The following PDE6D variants were observed in gnomAD, a reference collection of about 807,000 sequenced individuals.
The protein encoded by PDE6D is phosphodiesterase 6D.
A neutral mutation model predicts 21.9 loss-of-function variants in PDE6D; 10 were observed. The ratio of observed to expected loss-of-function variants is 0.46; its 90% CI spans 0.28 to 0.78. The LOEUF (loss-of-function observed/expected upper bound fraction) is 0.78, where lower values mean the gene tolerates loss of function less well. Among genes scored for constraint, PDE6D ranks in the 30% least tolerant of loss-of-function variants. The pLI is 0.12. For missense variants in PDE6D, 139 were observed against 184.8 expected (o/e 0.75, Z 1.44); for synonymous variants, 59 against 63.5 (o/e 0.93, Z 0.34).
intron 1 of PDE6D, among the ~76,000 whole-genome samples, chr2:231,755,181 C>T (rs1375761494): frequency 1.3e-5 from 2 of 152,202 alleles, no homozygotes; most frequent in Non-Finnish European, 2.9e-5. Context: ...CTTCCAACCT[C>T]CAGAGCTATG....
At chr2:231,762,283 T>C (rs1000633445) in intron 1 of PDE6D, among the ~76,000 whole-genome samples, 1 of 151,420 alleles carries the variant, frequency 6.6e-6, no homozygotes, top group African/African-American at 2.4e-5. Flanking sequence ...CTCTTTTCTA[T>C]CCCTTGAATG....
chr2:231,738,212 G>C, intron 2 of PDE6D, 74 bp from the exon 3 acceptor site: 1 of 1,421,300 alleles, frequency 7.0e-7, no homozygotes, highest in Admixed American at 2.2e-5. Flanking sequence ...AAATTTCTGG[G>C]AGCTTCTTAC....
chr2:231,758,536 T>C (rs371606122), intron 1 of PDE6D, among the ~76,000 whole-genome samples: 33 of 152,316 alleles, frequency 2.2e-4, no homozygotes, highest in African/African-American at 7.0e-4. Context: ...TTAGAATCAC[T>C]TGGGGAACTT....
Position 231,781,234 on chromosome 2 carries a change from C to A in PDE6D, c.-120G>T. ...GGAGACCTCGGGCTAGCAGCCGCAG[C>A]GGCCAGACCAGGACCGGCCTCTCTC... On this transcript the variant is annotated 5_prime_UTR_variant, in exon 1 of 5. Coordinates refer to ENST00000287600, the MANE Select transcript of PDE6D (RefSeq NM_002601.4). 1.1e-6 allele frequency: 1 copy of A among 920,062 alleles called. No homozygotes were observed. The allele number at this position is 920,062 out of a possible 1,614,324, so 57.0% of individuals were successfully genotyped here.
chr2:231,751,043 A>G (rs1391461452), intron 1 of PDE6D, among the ~76,000 whole-genome samples: 1 of 152,152 alleles, frequency 6.6e-6, no homozygotes, highest in Non-Finnish European at 1.5e-5. Context: ...CAATCTAGGG[A>G]TGGAAAATCT....
chr2:231,738,288 C>A lies in PDE6D; in HGVS notation c.140-150G>T, dbSNP rs192097923. 2,531 of 787,796 alleles carry A rather than the reference C, an allele frequency of 3.2e-3. 5 individuals are homozygous for A. The highest frequency in any genetic ancestry group is 3.7e-3 in the Non-Finnish European group (1,817 of 486,358). 48.8% of individuals were successfully genotyped at this position (787,796 alleles called of 1,614,324 possible). On this transcript the variant is annotated intron_variant, in intron 2 of 4. Transcript: ENST00000287600. ...ACACTTTCTTACATTTTGGATAATGCCTTGGTAAGTGCATTACACTTTGTG... is the reference window on the plus strand; with the variant it reads ...ACACTTTCTTACATTTTGGATAATGACTTGGTAAGTGCATTACACTTTGTG...
intron 1 of PDE6D, among the ~76,000 whole-genome samples, chr2:231,741,170 G>C (rs893201688): frequency 2.1e-5 from 3 of 140,574 alleles, no homozygotes; most frequent in Middle Eastern, 3.7e-3. Flanking sequence ...CACATCATTA[G>C]TGCATTTACA....
intron 1 of PDE6D, among the ~76,000 whole-genome samples, chr2:231,774,160 C>G (rs923243181): frequency 2.0e-5 from 3 of 151,872 alleles, no homozygotes; most frequent in African/African-American, 7.3e-5. Flanking sequence ...CTTGAATGCC[C>G]AAACTCAGGT....
rs1458970295 is a variant in PDE6D, at chr2:231,755,672, G to C, written c.51-16484C>G. ...ACGGTGGCTCATGCCTGTAATCCCA[G>C]CACTTTGGGAGGCTGAGGCGGGCGG... On this transcript the variant is annotated intron_variant, in intron 1 of 4. Coordinates refer to ENST00000287600, the MANE Select transcript of PDE6D (RefSeq NM_002601.4). Among the ~76,000 whole-genome samples the C allele has an allele frequency of 5.3e-5, 8 of 152,330 alleles. No individual in the cohort carries two copies. In the East Asian group the frequency reaches 1.5e-3, roughly 29 times the overall value.
chr2:231,735,527 T>A (rs553349016), intron 4 of PDE6D, among the ~76,000 whole-genome samples: 1 of 151,162 alleles, frequency 6.6e-6, no homozygotes, highest in Non-Finnish European at 1.5e-5. Flanking sequence ...CTCGATTTCC[T>A]GACCTCGTGA....
chr2:231,756,765 T>C (rs2048885946), intron 1 of PDE6D, among the ~76,000 whole-genome samples: 1 of 151,068 alleles, frequency 6.6e-6, no homozygotes, highest in Non-Finnish European at 1.5e-5. Context: ...AAAGAGAAAG[T>C]TTAGAAATAT....
chr2:231,734,938 T>C (rs1389989804), intron 4 of PDE6D, among the ~76,000 whole-genome samples: 1 of 150,200 alleles, frequency 6.7e-6, no homozygotes, highest in Non-Finnish European at 1.5e-5. Flanking sequence ...TAGCTACTAC[T>C]GTAATTAAAA....
At chr2:231,778,454 A>G (rs1028895583) in intron 1 of PDE6D, among the ~76,000 whole-genome samples, 4 of 152,230 alleles carry the variant, frequency 2.6e-5, no homozygotes, top group Admixed American at 6.5e-5. Context: ...CAAAATTAAC[A>G]AACAATTTAC....
intron 1 of PDE6D, among the ~76,000 whole-genome samples, chr2:231,772,488 A>AT (rs1362305462): frequency 1.3e-5 from 2 of 152,238 alleles, no homozygotes; most frequent in Admixed American, 6.5e-5. Flanking sequence ...AACTTTGACA[A>AT]TTTGAGTTTT....
intron 4 of PDE6D, among the ~76,000 whole-genome samples, chr2:231,733,787 T>G (rs1024328232): frequency 5.3e-5 from 8 of 152,074 alleles, no homozygotes; most frequent in African/African-American, 1.2e-4. Flanking sequence ...GCACCTGTAT[T>G]GTGAGGTGTG....
intron 4 of PDE6D, among the ~76,000 whole-genome samples, chr2:231,733,971 G>C (rs1017404899): frequency 6.6e-6 from 1 of 152,072 alleles, no homozygotes; most frequent in Non-Finnish European, 1.5e-5. Flanking sequence ...CCAGCACTTT[G>C]GGAGTCCGAG....
At chr2:231,752,056 T>A (rs952869869) in intron 1 of PDE6D, among the ~76,000 whole-genome samples, 6 of 152,236 alleles carry the variant, frequency 3.9e-5, no homozygotes, top group African/African-American at 1.2e-4. Context: ...CAGCTTTTTT[T>A]AATCAAATGA....
At chr2:231,749,757 C>T (rs1306152217) in intron 1 of PDE6D, among the ~76,000 whole-genome samples, 1 of 152,150 alleles carries the variant, frequency 6.6e-6, no homozygotes, top group Non-Finnish European at 1.5e-5. Context: ...TGGTCTTGAA[C>T]TCCTGACCTC....
chr2:231,734,845 TCAAAAAAAAAAA>T (rs1164759237), intron 4 of PDE6D, among the ~76,000 whole-genome samples: 3 of 105,330 alleles, frequency 2.8e-5, no homozygotes, highest in East Asian at 4.9e-4. Context: ...AGACTCCGTC[TCAAAAAAAAAAA>T]CAAAAAAAAA....
Sources: allele counts gnomAD v4.1 joint callset (sites outside exome capture counted in the v4.1 genomes callset), GRCh38; gene constraint gnomAD v4.1.1; transcripts MANE v1.5; gene names NCBI Gene and HGNC (gene_info 2026-07-23, HGNC 2026-07-21).